The following ATP10A variants were observed in gnomAD, a reference collection of about 807,000 sequenced individuals.
ATP10A encodes the protein ATPase phospholipid transporting 10A (putative).
A neutral mutation model predicts 147.8 loss-of-function variants in ATP10A; 111 were observed. The ratio of observed to expected loss-of-function variants is 0.75; its 90% CI spans 0.64 to 0.88. The LOEUF (loss-of-function observed/expected upper bound fraction) is 0.88, where lower values mean the gene tolerates loss of function less well. ATP10A is among the 40% of genes least tolerant of loss of function. The probability of loss-of-function intolerance (pLI) is 0.00; values close to 1 mark genes in which losing one functional copy is unlikely to be tolerated. For missense variants in ATP10A, 1,927 were observed against 1,959.0 expected, an observed-to-expected ratio of 0.98 and a Z score of 0.31; for synonymous variants, 875 against 841.6, an observed-to-expected ratio of 1.04 and a Z score of -0.69.
Position 25,863,083 on chromosome 15 carries a change from G to T in ATP10A, c.14C>A (p.Pro5Gln), listed in dbSNP as rs887880396. 2.5e-6 allele frequency: 3 copies of T among 1,207,178 alleles called. No individual in the cohort carries two copies. The African/African-American group carries it at 4.8e-5, about 19-fold the overall frequency. 74.8% of individuals were successfully genotyped at this position (1,207,178 alleles called of 1,614,324 possible). A position where few individuals can be genotyped will look rare whatever the true frequency, so the allele number is the denominator to read the frequency against. Residue 5 changes from proline to glutamine, a missense_variant, in exon 1 of 21, where the codon CCG becomes CAG. Coordinates refer to ENST00000555815, the MANE Select transcript of ATP10A (RefSeq NM_024490.4). Reference sequence around the variant, plus strand: ...AGGCCCGGGCTCCTCGGTCCCCGCCGGCTCCCGCTCCATGGCCGCGTGTCG... The same window carrying T: ...AGGCCCGGGCTCCTCGGTCCCCGCCTGCTCCCGCTCCATGGCCGCGTGTCG... Reference protein sequence around the residue: MEREPAGTEEPGPPG... With the variant: MEREQAGTEEPGPPG...
chr15:25,794,479 T>C (rs1193229935), intron 1 of ATP10A, among the ~76,000 whole-genome samples: 1 of 152,152 alleles, frequency 6.6e-6, no homozygotes, highest in Admixed American at 6.5e-5. Context: ...ATCAGTAAAG[T>C]ACCTTAAGCA....
chr15:25,829,084 G>A (rs1430631293), intron 1 of ATP10A, among the ~76,000 whole-genome samples: 1 of 152,150 alleles, frequency 6.6e-6, no homozygotes, highest in African/African-American at 2.4e-5. Flanking sequence ...GAGTAAGGAG[G>A]CGGAAAGTCG....
chr15:25,808,916 G>T (rs1322540128), intron 1 of ATP10A, among the ~76,000 whole-genome samples: 2 of 152,154 alleles, frequency 1.3e-5, no homozygotes, highest in Admixed American at 6.5e-5. Context: ...CTAGAGCAAG[G>T]TTCCCCAGGC....
chr15:25,823,539 G>T (rs1212903029), intron 1 of ATP10A, among the ~76,000 whole-genome samples: 2 of 152,150 alleles, frequency 1.3e-5, no homozygotes, highest in Non-Finnish European at 2.9e-5. Context: ...TACCCACTAT[G>T]TTGTATTTCA....
intron 1 of ATP10A, among the ~76,000 whole-genome samples, chr15:25,843,791 C>T (rs756687110): frequency 1.2e-4 from 18 of 152,272 alleles, no homozygotes; most frequent in South Asian, 4.1e-4. Flanking sequence ...CCACAGCTCC[C>T]GTCGCAGACC....
At chr15:25,712,626 A>C (rs916665778) in intron 10 of ATP10A, among the ~76,000 whole-genome samples, 6 of 152,216 alleles carry the variant, frequency 3.9e-5, no homozygotes, top group African/African-American at 1.4e-4. Flanking sequence ...CGATTTTCAG[A>C]AGAAGCTTCC....
chr15:25,705,440 C>CAAAAAAAA (rs67294220), intron 12 of ATP10A, among the ~76,000 whole-genome samples: 1 of 86,212 alleles, frequency 1.2e-5, no homozygotes, highest in Non-Finnish European at 2.2e-5. Flanking sequence ...TGTCTCAAAG[C>CAAAAAAAA]AAAAAAAAAA....
intron 1 of ATP10A, among the ~76,000 whole-genome samples, chr15:25,785,229 G>C (rs987806022): frequency 6.6e-6 from 1 of 152,122 alleles, no homozygotes; most frequent in Admixed American, 6.5e-5. Context: ...TTTGGAGAGA[G>C]AGGCTCTAAA....
chr15:25,711,887 C>G (rs1901445085), intron 10 of ATP10A, among the ~76,000 whole-genome samples: 1 of 152,160 alleles, frequency 6.6e-6, no homozygotes, highest in Non-Finnish European at 1.5e-5. Context: ...CGGAGGAGAG[C>G]ATTGTGGATT....
rs1174948333 is a variant in ATP10A, at chr15:25,745,878, G to A, written c.655-9737C>T. Among the ~76,000 whole-genome samples, 3 of 152,098 alleles carry A rather than the reference G, an allele frequency of 2.0e-5. No individual in the cohort carries two copies. In the South Asian group the frequency reaches 6.2e-4, roughly 32 times the overall value. On this transcript the variant is annotated intron_variant, in intron 2 of 20. Coordinates refer to ENST00000555815, the MANE Select transcript of ATP10A (RefSeq NM_024490.4). ...TCTCTCATGTAACCACCATATTATAGTAAGAAGCATATAATTTCCGAACCA... is the reference window on the plus strand; with the variant it reads ...TCTCTCATGTAACCACCATATTATAATAAGAAGCATATAATTTCCGAACCA...
intron 1 of ATP10A, among the ~76,000 whole-genome samples, chr15:25,859,754 A>G (rs1178502413): frequency 1.3e-5 from 2 of 152,158 alleles, no homozygotes; most frequent in African/African-American, 4.8e-5. Context: ...GGATTCTCAC[A>G]GAAAGGGGCC....
At chr15:25,794,827 G>A (rs140259483) in intron 1 of ATP10A, among the ~76,000 whole-genome samples, 2 of 152,284 alleles carry the variant, frequency 1.3e-5, no homozygotes, top group Non-Finnish European at 2.9e-5. Context: ...CCACACACGT[G>A]GATTCCACAA....
Position 25,727,175 on chromosome 15 carries a change from T to C in ATP10A, c.832A>G (p.Ile278Val), listed in dbSNP as rs116493590. The stretch of plus-strand genomic sequence containing the variant: ...CCGAGCCTACCTGCGTAGATGACAA[T>C]GCCGACGACTGCGTCCGTGTTCCTA... ...TLRNTDAVVG[I>V]VIYAGHETKA... is the part of the protein sequence containing the mutation. Residue 278 changes from isoleucine to valine, a missense_variant, in exon 4 of 21, where the codon ATT becomes GTT. Transcript: ENST00000555815. 1.1e-5 allele frequency: 17 copies of C among 1,614,054 alleles called. No individual in the cohort carries two copies. Among genetic ancestry groups the C allele is most frequent in the Non-Finnish European group, 1.4e-5 (17 of 1,179,984 alleles).
At position 25,708,073 on chromosome 15, in the gene ATP10A, C is replaced by G; in HGVS notation, c.2478G>C (p.Trp826Cys). Reference protein sequence around the residue: ...RVLSKEEYACWLQSHLEAESS... With the variant: ...RVLSKEEYACCLQSHLEAESS... ...ATTCGGCTTCTAGGTGGCTTTGCAA[C>G]CAGCAGGCATACTCTTCTTTACTCA... Residue 826 changes from tryptophan (W) to cysteine (C), a missense_variant, in exon 12 of 21, where the codon TGG becomes TGC. Transcript: ENST00000555815. 1 of 1,614,144 alleles carries G rather than the reference C, an allele frequency of 6.2e-7. No homozygotes were observed. Among genetic ancestry groups the G allele is most frequent in the Non-Finnish European group, 8.5e-7 (1 of 1,180,038 alleles).
intron 2 of ATP10A, among the ~76,000 whole-genome samples, chr15:25,756,030 C>T (rs893320557): frequency 1.3e-5 from 2 of 152,276 alleles, no homozygotes; most frequent in African/African-American, 4.8e-5. Context: ...GGCCATCTTG[C>T]CTTAACTGGG....
Position 25,863,052 on chromosome 15 carries a change from T to A in ATP10A, c.45A>T (p.Gly15=), listed in dbSNP as rs1597016668. ...PAGTEEPGPP[G]RRRRREGRTR... ...TCCTGCCCTCTCGGCGCCTCCGCCG[T>A]CCCGGAGGCCCGGGCTCCTCGGTCC... is the stretch of plus-strand genomic sequence containing the variant. Residue 15 remains glycine, a synonymous_variant, in exon 1 of 21, where the codon GGA becomes GGT. Transcript: ENST00000555815. The A allele has an allele frequency of 1.6e-6, 2 of 1,254,022 alleles. No homozygotes were observed. Among genetic ancestry groups the A allele is most frequent in the East Asian group, 6.7e-5 (2 of 29,750 alleles). The allele number at this position is 1,254,022 out of a possible 1,614,324, so 77.7% of individuals were successfully genotyped here. A position where few individuals can be genotyped will look rare whatever the true frequency, so the allele number is the denominator to read the frequency against.
intron 1 of ATP10A, among the ~76,000 whole-genome samples, chr15:25,833,069 G>A (rs1253654226): frequency 2.9e-5 from 4 of 137,402 alleles, no homozygotes; most frequent in East Asian, 2.3e-4. Context: ...TGCAACCTCC[G>A]CCTCCTGGCT....
chr15:25,794,933 C>T (rs922823542), intron 1 of ATP10A, among the ~76,000 whole-genome samples: 2 of 152,082 alleles, frequency 1.3e-5, no homozygotes, highest in Non-Finnish European at 2.9e-5. Flanking sequence ...GTTGAGTCAA[C>T]GTCCAAAGAC....
intron 12 of ATP10A, among the ~76,000 whole-genome samples, chr15:25,704,054 G>A (rs1220773995): frequency 6.6e-6 from 1 of 152,230 alleles, no homozygotes; most frequent in Non-Finnish European, 1.5e-5. Flanking sequence ...GGCACCGGGA[G>A]GGCATCTGAC....
Sources: gnomAD v4.1 joint callset for allele counts (sites outside exome capture counted in the v4.1 genomes callset) on GRCh38, gnomAD v4.1.1 for gene constraint, MANE v1.5 for transcripts, NCBI Gene and HGNC (gene_info 2026-07-23, HGNC 2026-07-21) for gene names.